The following ST6GALNAC3 variants were observed in gnomAD, a reference collection of about 807,000 sequenced individuals.
ST6GALNAC3 encodes the protein alpha-N-acetylgalactosaminide alpha-2,6-sialyltransferase 3.
In ST6GALNAC3, 25 loss-of-function variants were observed where a neutral mutation model predicts 32.7. The observed-to-expected ratio is 0.76, with a 90% confidence interval of 0.56 to 1.07. The LOEUF (loss-of-function observed/expected upper bound fraction) is 1.07. Ranked by LOEUF, ST6GALNAC3 falls within the 50% of genes least tolerant of loss-of-function variation. The pLI, the probability that ST6GALNAC3 is intolerant of heterozygous loss-of-function variation, is 0.00. For missense variants in ST6GALNAC3, 355 were observed against 382.4 expected, an observed-to-expected ratio of 0.93 and a Z score of 0.60; for synonymous variants, 129 against 133.1, an observed-to-expected ratio of 0.97 and a Z score of 0.21.
chr1:76,329,845 G>A (rs574752485), intron 2 of ST6GALNAC3, among the ~76,000 whole-genome samples: 1 of 151,536 alleles, frequency 6.6e-6, no homozygotes, highest in African/African-American at 2.4e-5. Flanking sequence ...GTCTTGCTCT[G>A]TCACCCAGGC....
chr1:76,123,417 A>G (rs11162084), intron 1 of ST6GALNAC3, among the ~76,000 whole-genome samples: 37,602 of 150,628 alleles, frequency 0.25, 5,271 homozygotes, highest in Admixed American at 0.33. Context: ...AGGGAAAGTG[A>G]CAAACACATA....
intron 1 of ST6GALNAC3, among the ~76,000 whole-genome samples, chr1:76,208,724 G>T (rs1238482442): frequency 9.7e-6 from 1 of 102,966 alleles, no homozygotes; most frequent in African/African-American, 2.7e-5. Context: ...AGTAATTATT[G>T]CTTTAAAAAA....
At chr1:76,445,152 G>A (rs998153998) in intron 3 of ST6GALNAC3, among the ~76,000 whole-genome samples, 4 of 152,088 alleles carry the variant, frequency 2.6e-5, no homozygotes, top group South Asian at 2.1e-4. Flanking sequence ...AACCACTTAC[G>A]ATGCAACTTG....
intron 1 of ST6GALNAC3, among the ~76,000 whole-genome samples, chr1:76,189,088 G>A (rs1412462203): frequency 6.6e-6 from 1 of 152,226 alleles, no homozygotes; most frequent in Non-Finnish European, 1.5e-5. Context: ...CTCTCTGGTA[G>A]AGTTGGATGG....
chr1:76,237,195 A>G (rs537620), intron 1 of ST6GALNAC3, among the ~76,000 whole-genome samples: 57,417 of 152,096 alleles, frequency 0.38, 12,521 homozygotes, highest in African/African-American at 0.6. Context: ...GTGCAGTGGC[A>G]CAATCTTTGC....
At chr1:76,592,597 A>G (rs181443643) in intron 3 of ST6GALNAC3, among the ~76,000 whole-genome samples, 31 of 152,172 alleles carry the variant, frequency 2.0e-4, no homozygotes, top group African/African-American at 7.5e-4. Flanking sequence ...CCCAGAAAGC[A>G]TTTGGAGCCC....
chr1:76,251,188 A>G (rs1393589672), intron 1 of ST6GALNAC3, among the ~76,000 whole-genome samples: 1 of 151,934 alleles, frequency 6.6e-6, no homozygotes, highest in Non-Finnish European at 1.5e-5. Flanking sequence ...TCCCATTATC[A>G]CCCGCATGTC....
intron 2 of ST6GALNAC3, among the ~76,000 whole-genome samples, chr1:76,396,815 G>T (rs1338620126): frequency 1.3e-5 from 2 of 152,124 alleles, no homozygotes; most frequent in African/African-American, 4.8e-5. Context: ...TGTCCAGTAG[G>T]TACCATTGTA....
chr1:76,306,363 A>G (rs1169379712), intron 1 of ST6GALNAC3, among the ~76,000 whole-genome samples: 1 of 152,068 alleles, frequency 6.6e-6, no homozygotes, highest in Non-Finnish European at 1.5e-5. Flanking sequence ...TCAGCTCCAC[A>G]ATCCAATGAC....
chr1:76,590,595 G>GT (rs1428054320), intron 3 of ST6GALNAC3, among the ~76,000 whole-genome samples: 3 of 152,072 alleles, frequency 2.0e-5, no homozygotes, highest in African/African-American at 7.2e-5. Flanking sequence ...CTCTATGGAT[G>GT]TACTCATTTT....
intron 1 of ST6GALNAC3, among the ~76,000 whole-genome samples, chr1:76,087,319 T>C (rs1398984318): frequency 6.6e-6 from 1 of 152,210 alleles, no homozygotes; most frequent in Non-Finnish European, 1.5e-5. Flanking sequence ...TATACATTAT[T>C]TCAGATTTAT....
At chr1:76,183,880 T>TATATATATATATATATATATA (rs1653358646) in intron 1 of ST6GALNAC3, among the ~76,000 whole-genome samples, 1 of 81,952 alleles carries the variant, frequency 1.2e-5, no homozygotes. Context: ...ATATGTATGT[T>TATATATATATATATATATATA]ACTGAATATG....
intron 3 of ST6GALNAC3, among the ~76,000 whole-genome samples, chr1:76,439,899 C>T (rs1205088413): frequency 6.6e-6 from 1 of 152,116 alleles, no homozygotes; most frequent in Non-Finnish European, 1.5e-5. Context: ...CTCTATGTGC[C>T]TCACTTTTCT....
chr1:76,562,905 C>T (rs1665330703), intron 3 of ST6GALNAC3, among the ~76,000 whole-genome samples: 1 of 152,104 alleles, frequency 6.6e-6, no homozygotes, highest in Admixed American at 6.5e-5. Context: ...GTCAGACCAG[C>T]TTTCTCATCC....
intron 1 of ST6GALNAC3, among the ~76,000 whole-genome samples, chr1:76,184,880 T>C (rs1184806918): frequency 6.6e-6 from 1 of 152,224 alleles, no homozygotes; most frequent in Non-Finnish European, 1.5e-5. Flanking sequence ...GCTTTAATTT[T>C]CTACTCATGT....
intron 1 of ST6GALNAC3, among the ~76,000 whole-genome samples, chr1:76,246,311 G>A (rs545871934): frequency 5.1e-4 from 77 of 152,162 alleles, no homozygotes; most frequent in African/African-American, 1.7e-3. Context: ...GTCTTTGCAC[G>A]TAAGATTGGT....
chr1:76,374,401 T>C (rs1457498864), intron 2 of ST6GALNAC3, among the ~76,000 whole-genome samples: 1 of 152,190 alleles, frequency 6.6e-6, no homozygotes, highest in African/African-American at 2.4e-5. Context: ...AGGCAGAGCT[T>C]GTACATAATG....
At chr1:76,283,358 T>C (rs1659606369) in intron 1 of ST6GALNAC3, among the ~76,000 whole-genome samples, 1 of 152,218 alleles carries the variant, frequency 6.6e-6, no homozygotes, top group Non-Finnish European at 1.5e-5. Context: ...TCTTTTTTTC[T>C]ATGTTATAAT....
chr1:76,358,531 A>T lies in ST6GALNAC3; in HGVS notation c.213+44532A>T, dbSNP rs1027035294. ...GTATCTAAAATCTACTTAGAGATAG[A>T]TCATTTCCTCATATAGGACACCATT... On this transcript the variant is annotated intron_variant, in intron 2 of 4. Transcript: ENST00000328299. 3.3e-5 allele frequency among the ~76,000 whole-genome samples: 5 copies of T among 152,222 alleles called. No individual in the cohort carries two copies. The East Asian group carries it at 5.8e-4, about 18-fold the overall frequency.
Sources: allele counts gnomAD v4.1 joint callset (sites outside exome capture counted in the v4.1 genomes callset), GRCh38; gene constraint gnomAD v4.1.1; transcripts MANE v1.5; gene names NCBI Gene and HGNC (gene_info 2026-07-23, HGNC 2026-07-21).